The following ZNF880 variants were observed in gnomAD, a reference collection of about 807,000 sequenced individuals.
The protein encoded by ZNF880 is zinc finger protein 880.
In ZNF880, 12 loss-of-function variants were observed where a neutral mutation model predicts 11.8. The observed-to-expected ratio is 1.02, with a 90% CI of 0.65 to 1.65. The LOEUF is 1.65. Ranked by LOEUF, ZNF880 falls within the 40% of genes most tolerant of loss-of-function variation. The pLI is 0.00. For synonymous variants in ZNF880, 210 were observed against 232.4 expected (o/e 0.90, Z 0.88); for missense variants, 601 against 673.9 (o/e 0.89, Z 1.20).
At chr19:52,386,630 C>T (rs149110268), downstream of ZNF880, among the ~76,000 whole-genome samples, 715 of 142,216 alleles carry the variant, frequency 5.0e-3, 133 homozygotes, top group African/African-American at 0.019. Flanking sequence ...CTCCAAACCC[C>T]ATCTCTACTA....
chr19:52,375,053 C>T (rs1192650855), intron 3 of ZNF880, among the ~76,000 whole-genome samples: 2 of 151,780 alleles, frequency 1.3e-5, no homozygotes, highest in Non-Finnish European at 1.5e-5. Context: ...GGAAATTTTT[C>T]TTTGCCCCCT....
intron 3 of ZNF880, among the ~76,000 whole-genome samples, chr19:52,381,860 C>T (rs558399016): frequency 6.6e-6 from 1 of 152,080 alleles, no homozygotes; most frequent in Non-Finnish European, 1.5e-5. Context: ...TACTTCACAA[C>T]TCTGCTCTCA....
At chr19:52,386,849 A>T (rs1986900141), downstream of ZNF880, among the ~76,000 whole-genome samples, 3 of 142,198 alleles carry the variant, frequency 2.1e-5, no homozygotes. Flanking sequence ...AATGGAAGAG[A>T]GAACAGTTGA....
chr19:52,388,562 C>T (rs149427474), downstream of ZNF880, among the ~76,000 whole-genome samples: 343 of 152,158 alleles, frequency 2.3e-3, 8 homozygotes, highest in East Asian at 0.055. Context: ...AGGTGTGAGC[C>T]ACCATGCTTG....
rs934274368 is a variant in ZNF880, at chr19:52,375,093, C to T, written c.268+666C>T. Among the ~76,000 whole-genome samples the T allele has an allele frequency of 2.6e-5, 4 of 151,168 alleles. No individual in the cohort carries two copies. In the South Asian group the frequency reaches 6.3e-4, roughly 24 times the overall value. On this transcript the variant is annotated intron_variant, in intron 3 of 3. Transcript: ENST00000422689. ...CTGCTGCTGTGTTCTTTGTTTTTGGCGTTTTGTTTGTTTGCTTGTTTGTTT... is the reference window on the plus strand; with the variant it reads ...CTGCTGCTGTGTTCTTTGTTTTTGGTGTTTTGTTTGTTTGCTTGTTTGTTT...
chr19:52,384,556 T>C lies in ZNF880; in HGVS notation c.976T>C (p.Cys326Arg). 1 of 1,613,946 alleles carries C rather than the reference T, an allele frequency of 6.2e-7. No homozygotes were observed. ...TCATAGTGGAGAGAAACCTTACAAA[T>C]GTAAGGAATGTGGCAAAGCATTTTC... ...KIHSGEKPYK[C>R]KECGKAFSGG... Residue 326 changes from cysteine to arginine, a missense_variant, in exon 4 of 4, where the codon TGT (cysteine) becomes CGT (arginine). Around this residue, in one of 3 missense-constraint regions of ZNF880, gnomAD observed 420 missense variants for 442.6 expected, o/e 0.95. Coordinates refer to ENST00000422689, the MANE Select transcript of ZNF880 (RefSeq NM_001145434.2).
At chr19:52,388,305 T>TTTTTTTTTTG (rs1986949508), downstream of ZNF880, among the ~76,000 whole-genome samples, 1 of 135,084 alleles carries the variant, frequency 7.4e-6, no homozygotes, top group African/African-American at 2.7e-5. Flanking sequence ...TTTTTTTTTT[T>TTTTTTTTTTG]TAGGCAGAGT....
intron 3 of ZNF880, among the ~76,000 whole-genome samples, chr19:52,377,257 A>G (rs1280072912): frequency 6.7e-6 from 1 of 150,252 alleles, no homozygotes; most frequent in East Asian, 1.9e-4. Context: ...TTTTTTTTGC[A>G]TGTGGGGCTC....
intron 1 of ZNF880, among the ~76,000 whole-genome samples, chr19:52,371,881 A>G (rs866612862): frequency 3.3e-5 from 5 of 151,624 alleles, no homozygotes; most frequent in African/African-American, 9.7e-5. Context: ...TGCCTGTCAC[A>G]TGGGAGGTGT....
the ZNF880 span, chr19:52,396,396 T>C: frequency 9.2e-5 from 14 of 152,220 alleles, no homozygotes; most frequent in Non-Finnish European, 1.9e-4. Context: ...GCAACATCAT[T>C]GAGGTACAGC....
intron 1 of ZNF880, 174 bp downstream of exon 1, chr19:52,370,151 G>A (rs1010023056): frequency 4.5e-5 from 36 of 801,988 alleles, no homozygotes; most frequent in Non-Finnish European, 1.8e-5. Context: ...TGTTAAAATC[G>A]CTCGGAGGCT....
the ZNF880 span, chr19:52,392,647 T>G: frequency 4.8e-6 from 1 of 209,326 alleles, no homozygotes; most frequent in East Asian, 1.2e-4. Flanking sequence ...GGTTCTCTTT[T>G]TTTATAAACA....
intron 1 of ZNF880, chr19:52,370,319 G>A (rs1986327832): frequency 3.0e-6 from 1 of 335,952 alleles, no homozygotes; most frequent in African/African-American, 2.1e-5. Context: ...CCCAAGCCTC[G>A]CCCTCTTTTC....
chr19:52,397,661 C>A, the ZNF880 span: 1 of 151,746 alleles, frequency 6.6e-6, no homozygotes, highest in Non-Finnish European at 1.5e-5. Flanking sequence ...TTTTGCTCTG[C>A]GCAGGTAAGA....
chr19:52,384,695 G>T lies in ZNF880; in HGVS notation c.1115G>T (p.Arg372Ile), dbSNP rs1986817827. 2.5e-6 allele frequency: 4 copies of T among 1,613,072 alleles called. No homozygotes were observed. The highest frequency in any genetic ancestry group is 2.2e-5 in the South Asian group (2 of 90,996). The change falls in exon 4 of 4, where the codon AGA becomes ATA. Residue 372 changes from arginine (R) to isoleucine (I), a missense_variant. By Grantham distance (97) the Arg-to-Ile change is moderately conservative. Around this residue, in one of 3 missense-constraint regions of ZNF880, gnomAD observed 420 missense variants for 442.6 expected, o/e 0.95. Coordinates refer to ENST00000422689, the MANE Select transcript of ZNF880 (RefSeq NM_001145434.2). ...AATGCACACCTTACCAGACATCAAA[G>T]AATCCATACTGGAGAGAAACCTTAT... is the stretch of plus-strand genomic sequence containing the variant. ...NRNAHLTRHQRIHTGEKPYEC... is the reference protein window; with the variant it reads ...NRNAHLTRHQIIHTGEKPYEC...
Position 52,377,370 on chromosome 19 carries a change from G to A in ZNF880, c.268+2943G>A, listed in dbSNP as rs373444980. Among the ~76,000 whole-genome samples, 6 of 152,228 alleles carry A rather than the reference G, an allele frequency of 3.9e-5. No homozygotes were observed. The East Asian group carries it at 1.2e-3, about 29-fold the overall frequency. ...CTACTCTCAAATGCCACTCAGCAGA[G>A]AGCGCTTCACTTCTGGTCAACCGAA... On this transcript the variant is annotated intron_variant, in intron 3 of 3. Coordinates refer to ENST00000422689, the MANE Select transcript of ZNF880 (RefSeq NM_001145434.2).
intron 1 of ZNF880, among the ~76,000 whole-genome samples, chr19:52,371,027 T>G (rs1986353260): frequency 6.6e-6 from 1 of 152,226 alleles, no homozygotes; most frequent in African/African-American, 2.4e-5. Context: ...AATGTATATA[T>G]GTATATGAAT....
intron 1 of ZNF880, among the ~76,000 whole-genome samples, chr19:52,371,528 A>C (rs764405586): frequency 6.6e-6 from 1 of 152,052 alleles, no homozygotes; most frequent in Non-Finnish European, 1.5e-5. Context: ...GGTGCCCACC[A>C]GTACGCCTGG....
intron 1 of ZNF880, among the ~76,000 whole-genome samples, chr19:52,371,160 A>G (rs767430434): frequency 7.2e-5 from 11 of 152,118 alleles, no homozygotes; most frequent in Non-Finnish European, 1.5e-4. Flanking sequence ...TACATCTTAT[A>G]TATTTTCATG....
Sources: gnomAD v4.1 joint callset for allele counts (sites outside exome capture counted in the v4.1 genomes callset) on GRCh38, gnomAD v4.1.1 for gene constraint, gnomAD v4.1.1 regional missense constraint, MANE v1.5 for transcripts, NCBI Gene and HGNC (gene_info 2026-07-23, HGNC 2026-07-21) for gene names.